Variants in FBXL7 observed in about 807,000 individuals in gnomAD.
FBXL7 encodes F-box/LRR-repeat protein 7.
A neutral mutation model predicts 38.3 loss-of-function variants in FBXL7; 12 were observed. The ratio of observed to expected loss-of-function variants is 0.31; its 90% CI spans 0.20 to 0.51. The LOEUF (loss-of-function observed/expected upper bound fraction) is 0.51. Among genes scored for constraint, FBXL7 ranks in the 20% least tolerant of loss-of-function variants. The probability of loss-of-function intolerance (pLI) is 0.98; values close to 1 mark genes in which losing one functional copy is unlikely to be tolerated. For synonymous variants in FBXL7, 297 were observed against 300.9 expected, an observed-to-expected ratio of 0.99 and a Z score of 0.13; for missense variants, 567 against 676.4, an observed-to-expected ratio of 0.84 and a Z score of 1.79.
At chr5:15,539,855 A>G (rs1334954894) in intron 1 of FBXL7, among the ~76,000 whole-genome samples, 1 of 152,186 alleles carries the variant, frequency 6.6e-6, no homozygotes, top group Non-Finnish European at 1.5e-5. Context: ...ATTGTTTATA[A>G]GAATCCTGCA....
intron 1 of FBXL7, among the ~76,000 whole-genome samples, chr5:15,581,544 T>C (rs1383685688): frequency 6.6e-6 from 1 of 152,156 alleles, no homozygotes; most frequent in African/African-American, 2.4e-5. Context: ...ACCATAGCAA[T>C]GGGGGAAAAT....
intron 1 of FBXL7, among the ~76,000 whole-genome samples, chr5:15,591,712 AT>A (rs751860639): frequency 6.6e-6 from 1 of 151,660 alleles, no homozygotes; most frequent in Non-Finnish European, 1.5e-5. Context: ...GCCTCTTATT[AT>A]TTATTTATTT....
intron 1 of FBXL7, among the ~76,000 whole-genome samples, chr5:15,504,756 G>C (rs1257474525): frequency 2.0e-5 from 3 of 152,182 alleles, no homozygotes; most frequent in Non-Finnish European, 4.4e-5. Context: ...GTGCTTCAAA[G>C]TCATTAGAAC....
At chr5:15,640,910 T>C (rs1741346842) in intron 2 of FBXL7, among the ~76,000 whole-genome samples, 1 of 152,184 alleles carries the variant, frequency 6.6e-6, no homozygotes, top group Non-Finnish European at 1.5e-5. Flanking sequence ...CTTCGCATCC[T>C]TTGCCTTCCT....
intron 1 of FBXL7, among the ~76,000 whole-genome samples, chr5:15,584,835 G>A (rs566245127): frequency 3.3e-5 from 5 of 152,244 alleles, no homozygotes; most frequent in South Asian, 2.1e-4. Context: ...CTCACACTTC[G>A]GTATGGCTGT....
At chr5:15,814,376 A>G (rs186238028) in intron 2 of FBXL7, among the ~76,000 whole-genome samples, 13 of 152,280 alleles carry the variant, frequency 8.5e-5, no homozygotes, top group Middle Eastern at 3.4e-3. Context: ...GAGTCGAACA[A>G]TGAGAACACA....
intron 2 of FBXL7, among the ~76,000 whole-genome samples, chr5:15,780,063 T>C (rs1430058341): frequency 6.6e-6 from 1 of 152,130 alleles, no homozygotes; most frequent in Non-Finnish European, 1.5e-5. Flanking sequence ...CCAGTCCTCC[T>C]TTGAAACATG....
chr5:15,742,490 T>C (rs4293917), intron 2 of FBXL7, among the ~76,000 whole-genome samples: 110,183 of 152,034 alleles, frequency 0.72, 40,400 homozygotes, highest in East Asian at 0.88. Context: ...AGTGTAGGCA[T>C]GTGGTAGGCA....
intron 2 of FBXL7, among the ~76,000 whole-genome samples, chr5:15,715,520 C>T (rs982859265): frequency 3.2e-4 from 48 of 148,068 alleles, no homozygotes; most frequent in Non-Finnish European, 6.2e-4. Flanking sequence ...AAAGTAGAGA[C>T]CAAGGGTTGG....
chr5:15,937,975 CCAGGAGAA>C lies in FBXL7; in HGVS notation c.*791_*798del, dbSNP rs1742247428. 6.6e-6 allele frequency: 1 copy of C among 152,274 alleles called. No homozygotes were observed. The highest frequency in any genetic ancestry group is 2.4e-5 in the African/African-American group (1 of 41,444). 9.4% of individuals were successfully genotyped at this position (152,274 alleles called of 1,614,324 possible). A position where few individuals can be genotyped will look rare whatever the true frequency, so the allele number is the denominator to read the frequency against. On this transcript the variant is annotated 3_prime_UTR_variant, in exon 4 of 4. Transcript: ENST00000504595. Reference sequence around the variant, plus strand: ...TAGAGCACCCAGGCATCGACCTCTTCCAGGAGAACTGATTCTGTGGATGGATGTGATTT... The same window carrying C: ...TAGAGCACCCAGGCATCGACCTCTTCCTGATTCTGTGGATGGATGTGATTT...
At chr5:15,934,220 G>T (rs1360106031) in intron 3 of FBXL7, among the ~76,000 whole-genome samples, 1 of 152,166 alleles carries the variant, frequency 6.6e-6, no homozygotes, top group Admixed American at 6.5e-5. Flanking sequence ...GCCCAGGCTA[G>T]TCTTGAACTC....
chr5:15,859,942 A>G (rs1007727342), intron 2 of FBXL7, among the ~76,000 whole-genome samples: 3 of 152,220 alleles, frequency 2.0e-5, no homozygotes, highest in Admixed American at 1.3e-4. Context: ...GGCTTGACTC[A>G]TAAGTTTATC....
intron 2 of FBXL7, among the ~76,000 whole-genome samples, chr5:15,837,429 A>C (rs1738623709): frequency 6.6e-6 from 1 of 152,230 alleles, no homozygotes; most frequent in African/African-American, 2.4e-5. Context: ...TCAAGAGGAA[A>C]AAAAGCAACC....
chr5:15,517,151 A>T (rs111247050), intron 1 of FBXL7, among the ~76,000 whole-genome samples: 10,098 of 151,964 alleles, frequency 0.066, 964 homozygotes, highest in African/African-American at 0.21. Context: ...CTCAGCCTCC[A>T]GAGTAGCTGG....
intron 2 of FBXL7, among the ~76,000 whole-genome samples, chr5:15,749,895 A>G (rs1235511575): frequency 1.3e-5 from 2 of 152,214 alleles, no homozygotes; most frequent in African/African-American, 2.4e-5. Flanking sequence ...CATTAGGCAG[A>G]TGACACCTTT....
At position 15,936,867 on chromosome 5, in the gene FBXL7, G is replaced by C; in HGVS notation, c.1157G>C (p.Cys386Ser). The C allele has an allele frequency of 6.2e-7, 1 of 1,613,980 alleles. No individual in the cohort carries two copies. ...CTGCGCTACCTCAACGCGAGGGGCT[G>C]CGAGGGCATCACGGACCACGGTGTG... ...SKLRYLNARG[C>S]EGITDHGVEY... Residue 386 changes from cysteine to serine, a missense_variant, in exon 4 of 4, where the codon TGC becomes TCC. Cys to Ser is a moderately radical substitution (Grantham distance 112, BLOSUM62 -1). Transcript: ENST00000504595. The surrounding 1 kb of genome is among the most constrained non-coding windows in gnomAD (Gnocchi z 6.0).
chr5:15,657,214 A>G (rs1482295277), intron 2 of FBXL7, among the ~76,000 whole-genome samples: 1 of 152,128 alleles, frequency 6.6e-6, no homozygotes. Flanking sequence ...TTTCTTTTGG[A>G]ATACATGAAG....
At chr5:15,531,158 A>G (rs969795151) in intron 1 of FBXL7, among the ~76,000 whole-genome samples, 59 of 152,198 alleles carry the variant, frequency 3.9e-4, no homozygotes, top group African/African-American at 1.3e-3. Flanking sequence ...AAAAAGAAAG[A>G]CTTGATAAAT....
intron 2 of FBXL7, among the ~76,000 whole-genome samples, chr5:15,887,119 G>T (rs1740710082): frequency 6.6e-6 from 1 of 152,176 alleles, no homozygotes; most frequent in African/African-American, 2.4e-5. Context: ...TATATGGGAT[G>T]AACCTTATAA....
Sources: allele counts gnomAD v4.1 joint callset (sites outside exome capture counted in the v4.1 genomes callset), GRCh38; gene constraint gnomAD v4.1.1; non-coding constraint Gnocchi (gnomAD v3.1); transcripts MANE v1.5; gene names NCBI Gene and HGNC (gene_info 2026-07-23, HGNC 2026-07-21).